The following ZPBP variants were observed in gnomAD, a reference collection of about 807,000 sequenced individuals.
ZPBP encodes zona pellucida binding protein.
ZPBP carries 26 observed loss-of-function variants against 44.8 expected under a neutral mutation model. The observed-to-expected ratio is 0.58, with a 90% CI of 0.43 to 0.81. The LOEUF (loss-of-function observed/expected upper bound fraction) is 0.81, where lower values mean the gene tolerates loss of function less well. Ranked by LOEUF, ZPBP falls within the 30% of genes least tolerant of loss-of-function variation. The pLI is 0.00. For synonymous variants in ZPBP, 174 were observed against 153.2 expected (o/e 1.14, Z -1.00); for missense variants, 409 against 434.0 (o/e 0.94, Z 0.51).
chr7:50,047,652 A>T (rs933022700), intron 4 of ZPBP, among the ~76,000 whole-genome samples: 8 of 121,116 alleles, frequency 6.6e-5, no homozygotes, highest in Non-Finnish European at 1.0e-4. Flanking sequence ...AAGCTAAAAA[A>T]CCCAAATGGC....
intron 2 of ZPBP, among the ~76,000 whole-genome samples, chr7:50,082,858 T>G (rs1176974528): frequency 6.6e-6 from 1 of 151,896 alleles, no homozygotes; most frequent in Non-Finnish European, 1.5e-5. Context: ...TTTAATGAAA[T>G]GCTTGCATTA....
Position 49,893,307 on chromosome 7 carries a change from C to T in ZPBP, n.509+7811G>A, listed in dbSNP as rs139438754. On this transcript the variant is annotated intron_variant and non_coding_transcript_variant, in intron 2 of 2. Transcript: ENST00000465922. ...GGGCTGGAAGGAAGAGTATAAACTA[C>T]AAGAAGGGCTCCTATTCCTGCATAG... is the stretch of plus-strand genomic sequence containing the variant. Among the ~76,000 whole-genome samples the T allele has an allele frequency of 1.0e-3, 158 of 152,208 alleles. 2 individuals are homozygous for T. In the East Asian group the frequency reaches 0.027, roughly 26 times the overall value.
chr7:49,925,762 T>C (rs1794213011), intron 1 of ZPBP, among the ~76,000 whole-genome samples: 1 of 152,222 alleles, frequency 6.6e-6, no homozygotes, highest in Non-Finnish European at 1.5e-5. Context: ...AGCCACATCA[T>C]CGGCCGCTGT....
intron 3 of ZPBP, among the ~76,000 whole-genome samples, chr7:50,066,747 C>T (rs193271735): frequency 1.2e-4 from 18 of 152,276 alleles, no homozygotes; most frequent in African/African-American, 3.1e-4. Flanking sequence ...AGTCAGCTTT[C>T]GGGATGTGAT....
At chr7:49,844,881 C>T in the ZPBP span, among the ~76,000 whole-genome samples, 1 of 151,984 alleles carries the variant, frequency 6.6e-6, no homozygotes, top group South Asian at 2.1e-4. Context: ...TTTAGTTTCA[C>T]CATGTTGGCC....
intron 4 of ZPBP, among the ~76,000 whole-genome samples, chr7:50,041,720 A>C (rs1387595830): frequency 6.6e-6 from 1 of 152,228 alleles, no homozygotes; most frequent in Admixed American, 6.5e-5. Flanking sequence ...GTTGAGGAAA[A>C]CCAGTGCAAA....
intron 4 of ZPBP, among the ~76,000 whole-genome samples, chr7:50,047,917 A>C (rs1800469378): frequency 6.6e-6 from 1 of 152,186 alleles, no homozygotes; most frequent in South Asian, 2.1e-4. Context: ...CTGCACAATG[A>C]GAAATATGTT....
At chr7:50,081,656 T>C in intron 3 of ZPBP, 118 bp downstream of exon 3, 1 of 1,301,420 alleles carries the variant, frequency 7.7e-7, no homozygotes, top group Non-Finnish European at 1.1e-6. Flanking sequence ...CAAAAGGAAA[T>C]CACAAGAAAA....
intron 2 of ZPBP, among the ~76,000 whole-genome samples, chr7:49,892,676 T>C (rs1256482769): frequency 2.6e-5 from 4 of 152,212 alleles, no homozygotes; most frequent in Non-Finnish European, 5.9e-5. Flanking sequence ...ACTTGCCCAG[T>C]GAGTTAGCTT....
At chr7:50,065,072 G>A (rs922497148) in intron 3 of ZPBP, among the ~76,000 whole-genome samples, 12 of 152,140 alleles carry the variant, frequency 7.9e-5, no homozygotes, top group African/African-American at 2.2e-4. Flanking sequence ...CGGTCCCTCC[G>A]TTTGTAGTCC....
intron 6 of ZPBP, among the ~76,000 whole-genome samples, chr7:50,015,945 C>A (rs1411221069): frequency 6.6e-6 from 1 of 152,048 alleles, no homozygotes; most frequent in Non-Finnish European, 1.5e-5. Flanking sequence ...GAAAAGAGAA[C>A]ACTTCTATAC....
chr7:49,870,591 A>G (rs934057071), intron 2 of ZPBP, among the ~76,000 whole-genome samples: 1 of 152,138 alleles, frequency 6.6e-6, no homozygotes, highest in Non-Finnish European at 1.5e-5. Context: ...ATGTCTTACG[A>G]GTAGGATTTT....
chr7:50,049,609 C>A (rs1397521256), intron 4 of ZPBP, among the ~76,000 whole-genome samples: 2 of 151,926 alleles, frequency 1.3e-5, no homozygotes, highest in East Asian at 1.9e-4. Flanking sequence ...AATCCAACAT[C>A]CTTTCACAAT....
At chr7:50,010,037 A>C (rs1584035571) in intron 6 of ZPBP, among the ~76,000 whole-genome samples, 1 of 152,210 alleles carries the variant, frequency 6.6e-6, no homozygotes, top group African/African-American at 2.4e-5. Flanking sequence ...GGAAGAATCA[A>C]TATAGTAAAA....
At chr7:50,037,202 A>T (rs886810865) in intron 4 of ZPBP, among the ~76,000 whole-genome samples, 6 of 152,216 alleles carry the variant, frequency 3.9e-5, no homozygotes, top group African/African-American at 1.4e-4. Context: ...TTCTGACTAG[A>T]CAGCTGGAGG....
chr7:49,841,911 G>C, the ZPBP span, among the ~76,000 whole-genome samples: 3 of 151,756 alleles, frequency 2.0e-5, no homozygotes, highest in Non-Finnish European at 4.4e-5. Context: ...TTATTGCCCA[G>C]ACTGCAGTGC....
At chr7:49,872,324 G>A (rs1791192207) in intron 2 of ZPBP, among the ~76,000 whole-genome samples, 1 of 152,060 alleles carries the variant, frequency 6.6e-6, no homozygotes, top group Admixed American at 6.5e-5. Context: ...GATTTAATGT[G>A]TCCACCAAGT....
At chr7:49,852,293 G>A (rs1790211771) in intron 2 of ZPBP, among the ~76,000 whole-genome samples, 1 of 152,206 alleles carries the variant, frequency 6.6e-6, no homozygotes, top group Non-Finnish European at 1.5e-5. Flanking sequence ...CTGTGGCTGT[G>A]CTCTTCAAGG....
chr7:49,884,840 T>C (rs544138958), intron 2 of ZPBP, among the ~76,000 whole-genome samples: 72 of 152,060 alleles, frequency 4.7e-4, no homozygotes, highest in Non-Finnish European at 9.7e-4. Flanking sequence ...TAGACGTCAA[T>C]AGTTAATCAA....
Sources: allele counts gnomAD v4.1 joint callset (sites outside exome capture counted in the v4.1 genomes callset), GRCh38; gene constraint gnomAD v4.1.1; transcripts MANE v1.5; gene names NCBI Gene and HGNC (gene_info 2026-07-23, HGNC 2026-07-21).